HS2ST1: variants seen among roughly 807,000 people sequenced by gnomAD.
The protein encoded by HS2ST1 is heparan sulfate 2-O-sulfotransferase 1.
Under a neutral mutation model 42.9 loss-of-function variants are expected in HS2ST1, and 18 were observed. That is an observed-to-expected ratio of 0.42 (90% confidence interval 0.29 to 0.62). The LOEUF is 0.62. HS2ST1 is among the 20% of genes least tolerant of loss of function. The pLI, the probability that HS2ST1 is intolerant of heterozygous loss-of-function variation, is 0.21. For missense variants in HS2ST1, 334 were observed against 433.8 expected (o/e 0.77, Z 2.04); for synonymous variants, 146 against 152.9 (o/e 0.95, Z 0.33).
At chr1:86,936,482 T>C (rs1451161012) in intron 1 of HS2ST1, among the ~76,000 whole-genome samples, 1 of 152,218 alleles carries the variant, frequency 6.6e-6, no homozygotes, top group Non-Finnish European at 1.5e-5. Flanking sequence ...ATCATTGATA[T>C]GCAATGAATG....
intron 3 of HS2ST1, 142 bp downstream of exon 3, chr1:87,084,421 T>C (rs1651766580): frequency 9.2e-6 from 5 of 546,328 alleles, no homozygotes; most frequent in Non-Finnish European, 1.6e-5. Flanking sequence ...GTAATTTAAA[T>C]ATACCTTCTT....
intron 4 of HS2ST1, 25 bp from the exon 5 acceptor site, chr1:87,097,813 C>T (rs1361378040): frequency 6.2e-7 from 1 of 1,612,724 alleles, no homozygotes; most frequent in South Asian, 1.1e-5. Context: ...TATGGCTTAC[C>T]CGTGCTGCTT....
At chr1:86,928,700 A>G (rs1203635078) in intron 1 of HS2ST1, among the ~76,000 whole-genome samples, 2 of 152,000 alleles carry the variant, frequency 1.3e-5, no homozygotes, top group Non-Finnish European at 2.9e-5. Context: ...TAAAAATAAA[A>G]TAGAAGAAAA....
intron 1 of HS2ST1, among the ~76,000 whole-genome samples, chr1:86,954,122 C>A (rs938513118): frequency 1.1e-4 from 16 of 144,600 alleles, no homozygotes; most frequent in Admixed American, 7.0e-4. Flanking sequence ...GAGGTCGAGG[C>A]GGGCAGGTCA....
intron 1 of HS2ST1, among the ~76,000 whole-genome samples, chr1:87,034,971 A>T (rs1320354811): frequency 6.6e-6 from 1 of 152,194 alleles, no homozygotes; most frequent in Non-Finnish European, 1.5e-5. Flanking sequence ...GGGAGGCAAG[A>T]GAATCAGAGT....
intron 1 of HS2ST1, chr1:87,064,345 A>G (rs1202081715): frequency 5.5e-6 from 2 of 365,924 alleles, no homozygotes; most frequent in East Asian, 7.2e-5. Flanking sequence ...CCAGTAGTCT[A>G]CTGTCTTCTC....
At position 86,967,915 on chromosome 1, in the gene HS2ST1, A is replaced by G. The variant is rs113264334; in HGVS notation, c.124+52755A>G. Among the ~76,000 whole-genome samples the G allele has an allele frequency of 2.6e-3, 399 of 152,368 alleles. 3 individuals carry two copies. Among genetic ancestry groups the G allele is most frequent in the African/African-American group, 9.1e-3 (380 of 41,594 alleles). On this transcript the variant is annotated intron_variant, in intron 1 of 6. Coordinates refer to ENST00000370550, the MANE Select transcript of HS2ST1 (RefSeq NM_012262.4). ...GGCTGCACTAATTAACATCTGCACC[A>G]GCAGGGTGTAAGTTTCTGTTTTCAC...
chr1:87,089,847 A>G (rs1328366747), intron 3 of HS2ST1, among the ~76,000 whole-genome samples: 3 of 152,052 alleles, frequency 2.0e-5, no homozygotes, highest in East Asian at 3.8e-4. Flanking sequence ...GTAAAATGCC[A>G]TATTCCCTTT....
chr1:86,960,267 CT>C (rs1326362328), intron 1 of HS2ST1, among the ~76,000 whole-genome samples: 1 of 144,518 alleles, frequency 6.9e-6, no homozygotes, highest in African/African-American at 2.5e-5. Flanking sequence ...AGACTTTATA[CT>C]TTTCACAAAA....
chr1:86,929,865 A>G (rs1287929876), intron 1 of HS2ST1, among the ~76,000 whole-genome samples: 2 of 151,864 alleles, frequency 1.3e-5, no homozygotes, highest in African/African-American at 4.8e-5. Flanking sequence ...AAATTAGGAA[A>G]GTTCAGTTTT....
intron 1 of HS2ST1, among the ~76,000 whole-genome samples, chr1:86,924,971 C>T (rs1034633506): frequency 2.0e-5 from 3 of 152,152 alleles, no homozygotes; most frequent in Non-Finnish European, 2.9e-5. Context: ...TTAAAATTTT[C>T]CTAACTTTGA....
intron 1 of HS2ST1, among the ~76,000 whole-genome samples, chr1:87,028,676 G>A (rs1345349353): frequency 2.6e-5 from 4 of 152,276 alleles, no homozygotes; most frequent in East Asian, 3.9e-4. Flanking sequence ...ATACACACAC[G>A]TTTTTGCAAA....
intron 1 of HS2ST1, among the ~76,000 whole-genome samples, chr1:86,952,235 T>C (rs1328288988): frequency 1.3e-5 from 2 of 152,198 alleles, no homozygotes; most frequent in Non-Finnish European, 2.9e-5. Flanking sequence ...ATGTTTTTCT[T>C]AAATAATAAA....
Position 87,105,713 on chromosome 1 carries a change from G to T in HS2ST1, c.*1017G>T, listed in dbSNP as rs1570551362. The T allele has an allele frequency of 6.6e-6, 1 of 152,468 alleles. No individual in the cohort carries two copies. The highest frequency in any genetic ancestry group is 2.1e-4 in the South Asian group (1 of 4,832). The allele number at this position is 152,468 out of a possible 1,614,324, so 9.4% of individuals were successfully genotyped here. A position where few individuals can be genotyped will look rare whatever the true frequency, so the allele number is the denominator to read the frequency against. ...GGTTACAAGTAATTAGACAAAAGTG[G>T]TTTTGCACCAATTTTATGTCAAGTA... On this transcript the variant is annotated 3_prime_UTR_variant, in exon 7 of 7. Coordinates refer to ENST00000370550, the MANE Select transcript of HS2ST1 (RefSeq NM_012262.4).
At chr1:87,072,814 C>T in intron 1 of HS2ST1, 120 bp from the exon 2 acceptor site, 1 of 712,880 alleles carries the variant, frequency 1.4e-6, no homozygotes, top group Non-Finnish European at 2.4e-6. Flanking sequence ...TCCCTTGGTT[C>T]TTTGCTTTTG....
intron 1 of HS2ST1, among the ~76,000 whole-genome samples, chr1:86,983,283 TG>T (rs1465227528): frequency 3.3e-5 from 5 of 152,204 alleles, no homozygotes; most frequent in African/African-American, 1.2e-4. Flanking sequence ...TACCTGAGAC[TG>T]GGTAATTTAT....
chr1:87,019,532 T>A (rs1258622228), intron 1 of HS2ST1, among the ~76,000 whole-genome samples: 2 of 152,244 alleles, frequency 1.3e-5, no homozygotes, highest in Admixed American at 6.5e-5. Context: ...TTAAATTGAA[T>A]GCATTTATAT....
chr1:87,061,800 G>C (rs1651127330), intron 1 of HS2ST1, among the ~76,000 whole-genome samples: 1 of 151,980 alleles, frequency 6.6e-6, no homozygotes, highest in African/African-American at 2.4e-5. Flanking sequence ...TAACTTTTTT[G>C]AGAAACTGCC....
rs1487983292 is a variant in HS2ST1, at chr1:87,107,843, C to G, written c.*3147C>G. On this transcript the variant is annotated 3_prime_UTR_variant, in exon 7 of 7. Coordinates refer to ENST00000370550, the MANE Select transcript of HS2ST1 (RefSeq NM_012262.4). ...AGTAGCACTTAAATATATCTGATAG[C>G]AACACTTAAGATATTGCATGGGGAT... The G allele has an allele frequency of 6.6e-6, 1 of 151,970 alleles. No individual in the cohort carries two copies. The highest frequency in any genetic ancestry group is 1.5e-5 in the Non-Finnish European group (1 of 67,910). The allele number at this position is 151,970 out of a possible 1,614,324, so 9.4% of individuals were successfully genotyped here. A position where few individuals can be genotyped will look rare whatever the true frequency, so the allele number is the denominator to read the frequency against.
Sources: allele counts gnomAD v4.1 joint callset (sites outside exome capture counted in the v4.1 genomes callset), GRCh38; gene constraint gnomAD v4.1.1; transcripts MANE v1.5; gene names NCBI Gene and HGNC (gene_info 2026-07-23, HGNC 2026-07-21).